SLC9C1: variants seen among roughly 807,000 people sequenced by gnomAD.
SLC9C1 encodes sodium/hydrogen exchanger 10.
A neutral mutation model predicts 140.9 loss-of-function variants in SLC9C1; 97 were observed. That is an observed-to-expected ratio of 0.69 (90% CI 0.58 to 0.82). The LOEUF (loss-of-function observed/expected upper bound fraction) is 0.82, where lower values mean the gene tolerates loss of function less well. SLC9C1 is among the 40% of genes least tolerant of loss of function. The probability of loss-of-function intolerance (pLI) is 0.00; values close to 1 mark genes in which losing one functional copy is unlikely to be tolerated. For missense variants in SLC9C1, 1,340 were observed against 1,389.3 expected (o/e 0.96, Z 0.56); for synonymous variants, 440 against 442.6 (o/e 0.99, Z 0.07).
At chr3:112,169,588 A>G (rs1456839967) in intron 23 of SLC9C1, among the ~76,000 whole-genome samples, 2 of 152,108 alleles carry the variant, frequency 1.3e-5, no homozygotes, top group Admixed American at 1.3e-4. Flanking sequence ...CCATTGATGT[A>G]TGTGTATATT....
chr3:112,242,463 G>A (rs918814525), intron 11 of SLC9C1, among the ~76,000 whole-genome samples: 1 of 152,066 alleles, frequency 6.6e-6, no homozygotes, highest in Non-Finnish European at 1.5e-5. Context: ...CTTATTTGTG[G>A]GAGCTAAAAA....
At chr3:112,243,160 C>T (rs1006696571) in intron 11 of SLC9C1, among the ~76,000 whole-genome samples, 6 of 151,964 alleles carry the variant, frequency 3.9e-5, no homozygotes, top group Non-Finnish European at 7.4e-5. Context: ...AAGCTAGCCA[C>T]CCCAAGATAG....
intron 16 of SLC9C1, among the ~76,000 whole-genome samples, chr3:112,205,060 G>A (rs544854146): frequency 6.6e-6 from 1 of 152,190 alleles, no homozygotes; most frequent in East Asian, 1.9e-4. Flanking sequence ...AGGGCAATCA[G>A]GCAGGAGAAG....
chr3:112,290,960 G>A (rs2080664444), intron 1 of SLC9C1, among the ~76,000 whole-genome samples: 1 of 152,004 alleles, frequency 6.6e-6, no homozygotes, highest in Admixed American at 6.5e-5. Flanking sequence ...TGGGTGTCTT[G>A]AAGACAGCAT....
intron 22 of SLC9C1, 33 bp downstream of exon 22, chr3:112,180,531 A>AAAAAC (rs759926552): frequency 3.8e-6 from 6 of 1,564,826 alleles, no homozygotes; most frequent in Non-Finnish European, 4.3e-6. Flanking sequence ...CTCAAAACAA[A>AAAAAC]AAAACAAAAC....
intron 5 of SLC9C1, 142 bp from the exon 6 acceptor site, chr3:112,275,167 T>C (rs1019371360): frequency 9.5e-6 from 8 of 845,222 alleles, no homozygotes; most frequent in African/African-American, 7.2e-5. Flanking sequence ...ACAATCATAA[T>C]TGGCACTAAA....
intron 10 of SLC9C1, among the ~76,000 whole-genome samples, chr3:112,245,824 T>C (rs1024803593): frequency 5.3e-5 from 8 of 152,162 alleles, no homozygotes; most frequent in South Asian, 2.1e-4. Flanking sequence ...TATTGGAATA[T>C]ATATTTTACA....
chr3:112,238,271 C>T (rs6802144), intron 12 of SLC9C1, among the ~76,000 whole-genome samples: 44,603 of 152,134 alleles, frequency 0.29, 6,723 homozygotes, highest in East Asian at 0.35. Flanking sequence ...CTTGTGCATT[C>T]GTCACGTAGT....
intron 26 of SLC9C1, among the ~76,000 whole-genome samples, chr3:112,166,907 C>G (rs1254173409): frequency 2.6e-5 from 4 of 152,076 alleles, no homozygotes; most frequent in Non-Finnish European, 5.9e-5. Context: ...TCAGACAGTA[C>G]AATGCTCTTT....
intron 10 of SLC9C1, among the ~76,000 whole-genome samples, chr3:112,261,772 A>G (rs1010177593): frequency 6.6e-6 from 1 of 152,068 alleles, no homozygotes; most frequent in Non-Finnish European, 1.5e-5. Context: ...TACAATTGCT[A>G]TATGCTAAAC....
chr3:112,197,013 C>T (rs1439880629), intron 20 of SLC9C1, among the ~76,000 whole-genome samples: 2 of 151,208 alleles, frequency 1.3e-5, no homozygotes, highest in African/African-American at 4.9e-5. Context: ...AACTCAGACT[C>T]TCCCTTTTTC....
chr3:112,256,306 A>T (rs1273840719), intron 10 of SLC9C1, among the ~76,000 whole-genome samples: 6 of 152,198 alleles, frequency 3.9e-5, no homozygotes, highest in Non-Finnish European at 8.8e-5. Context: ...TGCTTGATGA[A>T]CATTGATGCA....
At chr3:112,207,648 GTTGT>G (rs1275750164) in intron 16 of SLC9C1, among the ~76,000 whole-genome samples, 1 of 152,048 alleles carries the variant, frequency 6.6e-6, no homozygotes, top group Non-Finnish European at 1.5e-5. Context: ...CCTTGTTCTT[GTTGT>G]TTATTATGCA....
chr3:112,193,750 C>G (rs1434752255), intron 20 of SLC9C1, among the ~76,000 whole-genome samples: 1 of 152,104 alleles, frequency 6.6e-6, no homozygotes, highest in Non-Finnish European at 1.5e-5. Context: ...TACTTGCTGG[C>G]TTGTGGGCCT....
chr3:112,202,316 A>G lies in SLC9C1; in HGVS notation c.2256T>C (p.Tyr752=). The change falls in exon 18 of 29, where the codon TAT becomes TAC. Residue 752 remains tyrosine, a synonymous_variant. Transcript: ENST00000305815. ...KTFWYGILKG[Y]VQGEADIMTI... ...TCATTATGTCTGCTTCGCCTTGGAC[A>G]TAGCCTTTTAGTATTCCATACCAAA... 1 of 1,611,450 alleles carries G rather than the reference A, an allele frequency of 6.2e-7. No individual in the cohort carries two copies. Among genetic ancestry groups the G allele is most frequent in the Non-Finnish European group, 8.5e-7 (1 of 1,178,930 alleles).
rs142566100 is a variant in SLC9C1, at chr3:112,275,066, A to G, written c.485-41T>C. On this transcript the variant is annotated intron_variant, in intron 5 of 28. Coordinates refer to ENST00000305815, the MANE Select transcript of SLC9C1 (RefSeq NM_183061.3). Reference sequence around the variant, plus strand: ...GGGAAAGATGTTTTTTAAAGTGAGAAAAACATTAAAAATTAAATGTTAAAG... The same window carrying G: ...GGGAAAGATGTTTTTTAAAGTGAGAGAAACATTAAAAATTAAATGTTAAAG... 6.3e-5 allele frequency: 96 copies of G among 1,522,016 alleles called. No homozygotes were observed. In the Admixed American group the frequency reaches 1.0e-3, roughly 16 times the overall value. The allele number at this position is 1,522,016 out of a possible 1,614,324, so 94.3% of individuals were successfully genotyped here. A position where few individuals can be genotyped will look rare whatever the true frequency, so the allele number is the denominator to read the frequency against.
At position 112,167,361 on chromosome 3, in the gene SLC9C1, GA is replaced by G; in HGVS notation, c.3238-15del. 6.4e-7 allele frequency: 1 copy of G among 1,566,938 alleles called. No individual in the cohort carries two copies. The highest frequency in any genetic ancestry group is 1.2e-5 in the South Asian group (1 of 83,940). Reference sequence around the variant, plus strand: ...AATACTTTGTATCTGAAAGTTGACAGAATGCAAGTTAATTTCTGAGCAAATA... The same window carrying G: ...AATACTTTGTATCTGAAAGTTGACAGATGCAAGTTAATTTCTGAGCAAATA... On this transcript the variant is annotated splice_polypyrimidine_tract_variant and intron_variant, in intron 25 of 28. Coordinates refer to ENST00000305815, the MANE Select transcript of SLC9C1 (RefSeq NM_183061.3).
chr3:112,159,867 A>T (rs1473291888), intron 26 of SLC9C1, among the ~76,000 whole-genome samples: 1 of 151,878 alleles, frequency 6.6e-6, no homozygotes, highest in African/African-American at 2.4e-5. Context: ...ATTTTATCTG[A>T]TATAAGTTTA....
At chr3:112,281,814 G>A (rs2080365466) in intron 2 of SLC9C1, among the ~76,000 whole-genome samples, 2 of 152,092 alleles carry the variant, frequency 1.3e-5, no homozygotes, top group South Asian at 4.2e-4. Flanking sequence ...TTGACACTTG[G>A]GTGGAAGAAT....
Sources: allele counts gnomAD v4.1 joint callset (sites outside exome capture counted in the v4.1 genomes callset), GRCh38; gene constraint gnomAD v4.1.1; transcripts MANE v1.5; gene names NCBI Gene and HGNC (gene_info 2026-07-23, HGNC 2026-07-21).